DKKL1: variants seen among roughly 807,000 people sequenced by gnomAD.
DKKL1 encodes dickkopf-like protein 1.
In DKKL1, 11 loss-of-function variants were observed where a neutral mutation model predicts 16.5. That is an observed-to-expected ratio of 0.67 (90% CI 0.42 to 1.10). The LOEUF is 1.10. Among genes scored for constraint, DKKL1 ranks in the 50% least tolerant of loss-of-function variants. DKKL1 has a pLI of 0.00. For synonymous variants in DKKL1, 119 were observed against 133.2 expected (o/e 0.89, Z 0.73); for missense variants, 320 against 308.1 (o/e 1.04, Z -0.29).
chr19:49,370,941 C>T (rs1037991691), intron 4 of DKKL1: 16 of 152,164 alleles, frequency 1.1e-4, no homozygotes, highest in Non-Finnish European at 2.1e-4. Flanking sequence ...AAGTGCTGGC[C>T]GTTGTCACCG....
chr19:49,368,071 G>A (rs571562296), intron 4 of DKKL1, among the ~76,000 whole-genome samples: 1 of 152,232 alleles, frequency 6.6e-6, no homozygotes, highest in East Asian at 1.9e-4. Context: ...CTAGCAATTT[G>A]GGAGGCCAAG....
chr19:49,374,939 G>C lies in DKKL1; in HGVS notation c.640G>C (p.Glu214Gln). ...LRKGTHKDVL[E>Q]EGTESSSHSR... ...CAAGGGGACCCACAAGGACGTCCTA[G>C]AAGAGGGGACCGAGAGCTCCTCCCA... Residue 214 changes from glutamate to glutamine, a missense_variant, in exon 5 of 5, where the codon GAA (glutamate) becomes CAA (glutamine). Transcript: ENST00000221498. The C allele has an allele frequency of 1.9e-6, 3 of 1,613,538 alleles. No homozygotes were observed. Among genetic ancestry groups the C allele is most frequent in the Non-Finnish European group, 2.5e-6 (3 of 1,179,838 alleles).
chr19:49,365,970 C>G (rs1036769824), intron 4 of DKKL1, 85 bp downstream of exon 4: 10 of 1,307,612 alleles, frequency 7.6e-6, no homozygotes, highest in African/African-American at 1.5e-5. Context: ...CTCTGTCACC[C>G]AGGCTGGAGT....
At chr19:49,364,041 G>C (rs755545494) in intron 1 of DKKL1, 33 bp downstream of exon 1, 2 of 1,611,490 alleles carry the variant, frequency 1.2e-6, no homozygotes, top group South Asian at 2.2e-5. Context: ...GAACGTGGGC[G>C]AAAGTGAGGA....
At chr19:49,361,327 G>A, upstream of DKKL1, 1 of 144,274 alleles carries the variant, frequency 6.9e-6, no homozygotes, top group Non-Finnish European at 1.5e-5. Context: ...GGGGGACACA[G>A]ACTCAGAGAG....
chr19:49,361,162 G>C (rs1257115279), upstream of DKKL1, among the ~76,000 whole-genome samples: 1 of 120,792 alleles, frequency 8.3e-6, no homozygotes. Flanking sequence ...GACCGGGGGG[G>C]GGGGACAGGG....
At chr19:49,370,234 A>C (rs1600847663) in intron 4 of DKKL1, 1 of 152,252 alleles carries the variant, frequency 6.6e-6, no homozygotes, top group East Asian at 1.9e-4. Flanking sequence ...CTCGCCAATG[A>C]AATTTCAGAT....
At chr19:49,364,162 C>T (rs1973147186) in intron 1 of DKKL1, among the ~76,000 whole-genome samples, 154 bp downstream of exon 1, 1 of 152,026 alleles carries the variant, frequency 6.6e-6, no homozygotes, top group African/African-American at 2.4e-5. Context: ...CCAGCCTGGG[C>T]AATATGTCGA....
intron 3 of DKKL1, 34 bp from the exon 4 acceptor site, chr19:49,365,758 AG>A: frequency 1.2e-6 from 2 of 1,608,384 alleles, no homozygotes. Flanking sequence ...GGAGGAAAGC[AG>A]GTTTGCTCTC....
At chr19:49,362,983 A>G, upstream of DKKL1, 1 of 115,410 alleles carries the variant, frequency 8.7e-6, no homozygotes. Flanking sequence ...GTTTTGACTG[A>G]TTCCTATGAC....
At chr19:49,364,839 G>T in intron 2 of DKKL1, 85 bp downstream of exon 2, 1 of 1,519,498 alleles carries the variant, frequency 6.6e-7, no homozygotes, top group Non-Finnish European at 8.9e-7. Flanking sequence ...GGCCAGGCAG[G>T]GGGACAGACA....
chr19:49,365,649 G>A lies in DKKL1; in HGVS notation c.324G>A (p.Lys108=). The A allele has an allele frequency of 6.2e-7, 1 of 1,611,380 alleles. No individual in the cohort carries two copies. Among genetic ancestry groups the A allele is most frequent in the Non-Finnish European group, 8.5e-7 (1 of 1,178,382 alleles). Residue 108 remains lysine (K), a splice_region_variant and synonymous_variant, in exon 3 of 5, where the codon AAG becomes AAA. Coordinates refer to ENST00000221498, the MANE Select transcript of DKKL1 (RefSeq NM_014419.4). The part of the protein sequence containing the change: ...NTLSSHLQID[K]MTDNKTGEVL... ...TCTCCAGCCACCTCCAGATCGACAA[G>A]GTGCCTATGCAGGGAAGCCCTTCCT...
Position 49,365,501 on chromosome 19 carries a change from G to A in DKKL1, c.184-8G>A, listed in dbSNP as rs776298251. 3.7e-5 allele frequency: 59 copies of A among 1,590,350 alleles called. No individual in the cohort carries two copies. Among genetic ancestry groups the A allele is most frequent in the South Asian group, 2.0e-4 (18 of 87,866 alleles). ...CCAGCAGCTCACCAGTCCCTCCTCC[G>A]GCCCCAGGGTAACCTGCTTCGGGGC... On this transcript the variant is annotated splice_polypyrimidine_tract_variant and splice_region_variant and intron_variant, in intron 2 of 4. Transcript: ENST00000221498.
chr19:49,374,672 G>T (rs2146809596), intron 4 of DKKL1, 45 bp from the exon 5 acceptor site: 2 of 1,502,958 alleles, frequency 1.3e-6, no homozygotes, highest in African/African-American at 2.8e-5. Context: ...CCATCCTGGG[G>T]TGCTGTTTGG....
At chr19:49,364,091 T>G in intron 1 of DKKL1, 83 bp downstream of exon 1, 2 of 1,568,252 alleles carry the variant, frequency 1.3e-6, no homozygotes, top group South Asian at 1.2e-5. Context: ...GGCTTACGCC[T>G]GCAATCCCAA....
At chr19:49,364,103 A>G (rs911425353) in intron 1 of DKKL1, 95 bp downstream of exon 1, 8 of 1,513,960 alleles carry the variant, frequency 5.3e-6, no homozygotes, top group Admixed American at 1.9e-5. Context: ...CAATCCCAAC[A>G]CTTTGGGAGG....
chr19:49,365,395 G>C, intron 2 of DKKL1, 114 bp from the exon 3 acceptor site: 2 of 1,302,068 alleles, frequency 1.5e-6, no homozygotes, highest in Non-Finnish European at 2.0e-6. Flanking sequence ...GAAAGTAAAG[G>C]GGATGGGAGG....
chr19:49,363,819 G>T (rs970453762), upstream of DKKL1: 3 of 854,696 alleles, frequency 3.5e-6, no homozygotes, highest in Admixed American at 2.1e-5. Context: ...AGTTTGGAGC[G>T]TGGTCAGACA....
At chr19:49,372,988 C>A (rs142315297) in intron 4 of DKKL1, among the ~76,000 whole-genome samples, 6 of 150,154 alleles carry the variant, frequency 4.0e-5, no homozygotes, top group Non-Finnish European at 8.9e-5. Flanking sequence ...GCAACAAGAG[C>A]GAAACTCCAT....
Sources: allele counts gnomAD v4.1 joint callset (sites outside exome capture counted in the v4.1 genomes callset), GRCh38; gene constraint gnomAD v4.1.1; transcripts MANE v1.5; gene names NCBI Gene and HGNC (gene_info 2026-07-23, HGNC 2026-07-21).